Variants in CD247 observed in about 807,000 individuals in gnomAD.
The protein encoded by CD247 is CD247 molecule.
Under a neutral mutation model 30.0 loss-of-function variants are expected in CD247, and 13 were observed. The observed-to-expected ratio is 0.43, with a 90% CI of 0.28 to 0.69. CD247 has a LOEUF of 0.69. CD247 is among the 30% of genes least tolerant of loss of function. The pLI is 0.16. For synonymous variants in CD247, 72 were observed against 80.0 expected (o/e 0.90, Z 0.53); for missense variants, 193 against 212.6 (o/e 0.91, Z 0.57).
intron 1 of CD247, among the ~76,000 whole-genome samples, chr1:167,447,454 T>C (rs1158009128): frequency 6.6e-6 from 1 of 151,960 alleles, no homozygotes; most frequent in Non-Finnish European, 1.5e-5. Flanking sequence ...GAGCTCTAAT[T>C]TTCAGAGTTA....
intron 1 of CD247, among the ~76,000 whole-genome samples, chr1:167,465,013 C>T (rs1398004831): frequency 5.9e-5 from 9 of 152,266 alleles, no homozygotes; most frequent in East Asian, 1.9e-4. Context: ...CTCCATTTTA[C>T]GTTTATTTCC....
At position 167,453,870 on chromosome 1, in the gene CD247, C is replaced by G. The variant is rs766332831; in HGVS notation, c.59-13103G>C. Among the ~76,000 whole-genome samples, 7 of 152,160 alleles carry G rather than the reference C, an allele frequency of 4.6e-5. No individual in the cohort carries two copies. In the East Asian group the frequency reaches 1.4e-3, roughly 29 times the overall value. ...AGCCCCCTCCTCCGGAGGCTTAGGTCGGAGGATCACCTGAGCCCAAGAGGT... is the reference window on the plus strand; with the variant it reads ...AGCCCCCTCCTCCGGAGGCTTAGGTGGGAGGATCACCTGAGCCCAAGAGGT... On this transcript the variant is annotated intron_variant, in intron 1 of 7. Transcript: ENST00000362089.
intron 1 of CD247, among the ~76,000 whole-genome samples, chr1:167,476,194 G>A (rs920214783): frequency 5.3e-5 from 8 of 152,098 alleles, no homozygotes; most frequent in African/African-American, 9.7e-5. Flanking sequence ...TTGAAATGGC[G>A]CCTTTCTTGG....
At chr1:167,512,600 T>C (rs977142671) in intron 1 of CD247, among the ~76,000 whole-genome samples, 1 of 152,210 alleles carries the variant, frequency 6.6e-6, no homozygotes, top group African/African-American at 2.4e-5. Flanking sequence ...AAAAAAAGCA[T>C]GTCAGTCCAG....
chr1:167,490,899 C>T (rs1290143257), intron 1 of CD247, among the ~76,000 whole-genome samples: 1 of 151,910 alleles, frequency 6.6e-6, no homozygotes, highest in African/African-American at 2.4e-5. Context: ...GATCACACCA[C>T]TACATTCCAG....
At chr1:167,500,527 A>C (rs1195920816) in intron 1 of CD247, among the ~76,000 whole-genome samples, 1 of 152,212 alleles carries the variant, frequency 6.6e-6, no homozygotes, top group East Asian at 1.9e-4. Context: ...ATTAGCTTTT[A>C]TCTGATGATC....
rs531603059 is a variant in CD247, at chr1:167,503,768, T to C, written c.58+14640A>G. 2.0e-5 allele frequency among the ~76,000 whole-genome samples: 3 copies of C among 152,148 alleles called. No individual in the cohort carries two copies. In the South Asian group the frequency reaches 6.2e-4, roughly 32 times the overall value. On this transcript the variant is annotated intron_variant, in intron 1 of 7. Transcript: ENST00000362089. ...AGGGTCTGCCTGGGACCAGGAACCA[T>C]GGGGCCAGGTGAGGACTTGGCCTGG...
chr1:167,477,673 G>A (rs1056386571), intron 1 of CD247, among the ~76,000 whole-genome samples: 11 of 152,136 alleles, frequency 7.2e-5, no homozygotes, highest in African/African-American at 2.4e-4. Flanking sequence ...AGAACTACAG[G>A]TGTGCACCAC....
chr1:167,448,229 C>A (rs1329912811), intron 1 of CD247: 2 of 355,430 alleles, frequency 5.6e-6, no homozygotes, highest in African/African-American at 4.4e-5. Context: ...GATTTCACAG[C>A]TAGGGAAACT....
At chr1:167,490,758 T>C (rs1654412906) in intron 1 of CD247, among the ~76,000 whole-genome samples, 1 of 152,008 alleles carries the variant, frequency 6.6e-6, no homozygotes, top group South Asian at 2.1e-4. Flanking sequence ...CTACTAAAAA[T>C]ACAAAAATTA....
At chr1:167,488,889 G>A (rs764496134) in intron 1 of CD247, among the ~76,000 whole-genome samples, 23 of 152,328 alleles carry the variant, frequency 1.5e-4, no homozygotes, top group Non-Finnish European at 2.4e-4. Flanking sequence ...CCAGGGAAGC[G>A]AGGGTGTGCT....
chr1:167,507,978 T>C (rs1655218226), intron 1 of CD247, among the ~76,000 whole-genome samples: 1 of 152,170 alleles, frequency 6.6e-6, no homozygotes, highest in Non-Finnish European at 1.5e-5. Context: ...CAGCTTCAAG[T>C]CTGAGACTTT....
intron 1 of CD247, among the ~76,000 whole-genome samples, chr1:167,441,145 C>A (rs979699633): frequency 3.3e-5 from 5 of 152,218 alleles, no homozygotes; most frequent in African/African-American, 1.2e-4. Context: ...ATGTTCACGT[C>A]TGGATGAATG....
At chr1:167,478,317 A>G (rs1397874068) in intron 1 of CD247, among the ~76,000 whole-genome samples, 1 of 152,280 alleles carries the variant, frequency 6.6e-6, no homozygotes, top group Non-Finnish European at 1.5e-5. Flanking sequence ...GGGACATGGA[A>G]GAACCAGACC....
At chr1:167,468,208 A>G (rs1343140029) in intron 1 of CD247, among the ~76,000 whole-genome samples, 1 of 152,194 alleles carries the variant, frequency 6.6e-6, no homozygotes, top group East Asian at 1.9e-4. Context: ...CTCCAAATTA[A>G]TATAAGAAAA....
rs1018754007 is a variant in CD247 at position 167,494,763 on chromosome 1, T to C, written c.58+23645A>G. On this transcript the variant is annotated intron_variant, in intron 1 of 7. Transcript: ENST00000362089. The surrounding 1 kb of genome is among the most constrained non-coding windows in gnomAD (Gnocchi z 7.3). The stretch of plus-strand genomic sequence containing the variant: ...ATACAGATAAATGTTTATTAAAGAA[T>C]GTGAAGGTCTCATCAAAAACCAAGC... 7.9e-5 allele frequency among the ~76,000 whole-genome samples: 12 copies of C among 152,184 alleles called. No homozygotes were observed. Among genetic ancestry groups the C allele is most frequent in the African/African-American group, 2.9e-4 (12 of 41,436 alleles).
At chr1:167,444,878 G>A (rs528614665) in intron 1 of CD247, among the ~76,000 whole-genome samples, 1 of 152,080 alleles carries the variant, frequency 6.6e-6, no homozygotes, top group South Asian at 2.1e-4. Context: ...TGTAAAATGG[G>A]GATAACAACA....
At chr1:167,473,770 A>C (rs772869717) in intron 1 of CD247, among the ~76,000 whole-genome samples, 4 of 152,170 alleles carry the variant, frequency 2.6e-5, no homozygotes, top group Non-Finnish European at 5.9e-5. Context: ...AGGAGCTCTC[A>C]CTGTGAAGGG....
intron 1 of CD247, among the ~76,000 whole-genome samples, chr1:167,501,481 C>T (rs1160726833): frequency 6.6e-6 from 1 of 152,236 alleles, no homozygotes; most frequent in African/African-American, 2.4e-5. Flanking sequence ...GCAGGTCTCA[C>T]TAGAATTAAC....
Sources: gnomAD v4.1 joint callset for allele counts (sites outside exome capture counted in the v4.1 genomes callset) on GRCh38, gnomAD v4.1.1 for gene constraint, Gnocchi (gnomAD v3.1) non-coding constraint, MANE v1.5 for transcripts, NCBI Gene and HGNC (gene_info 2026-07-23, HGNC 2026-07-21) for gene names.